The following CTPS2 variants were observed in gnomAD, a reference collection of about 807,000 sequenced individuals.
CTPS2 encodes CTP synthase II.
A neutral mutation model predicts 46.8 loss-of-function variants in CTPS2; 19 were observed. The ratio of observed to expected loss-of-function variants is 0.41; its 90% CI spans 0.28 to 0.60. The LOEUF (loss-of-function observed/expected upper bound fraction) is 0.60. Ranked by LOEUF, CTPS2 falls within the 20% of genes least tolerant of loss-of-function variation. The pLI is 0.35. For missense variants in CTPS2, 286 were observed against 447.6 expected, an observed-to-expected ratio of 0.64 and a Z score of 3.26; for synonymous variants, 151 against 165.2, an observed-to-expected ratio of 0.91 and a Z score of 0.66.
At chrX:16,691,127 G>T (rs983064647) in intron 7 of CTPS2, among the ~76,000 whole-genome samples, 3 of 112,152 alleles carry the variant, frequency 2.7e-5, no homozygotes, top group African/African-American at 9.7e-5. Flanking sequence ...GACCAGCCTG[G>T]CCAACATGGC....
intron 15 of CTPS2, among the ~76,000 whole-genome samples, chrX:16,619,052 C>T (rs941777413): frequency 1.8e-5 from 2 of 112,213 alleles, no homozygotes; most frequent in Admixed American, 1.9e-4. Context: ...GCCAAAGCAG[C>T]TCAATAATTT....
chrX:16,685,576 G>A (rs191711235), intron 8 of CTPS2, among the ~76,000 whole-genome samples: 346 of 110,015 alleles, frequency 3.1e-3, no homozygotes, highest in Non-Finnish European at 5.0e-3. Context: ...GAGATGAAGA[G>A]GGCTGGGTGT....
At chrX:16,674,154 T>A (rs1301474460) in intron 10 of CTPS2, among the ~76,000 whole-genome samples, 1 of 108,546 alleles carries the variant, frequency 9.2e-6, no homozygotes, top group Non-Finnish European at 1.9e-5. Context: ...GTTAAAGGAT[T>A]GTTTTTTGCT....
At chrX:16,644,266 C>T (rs1932207722) in intron 13 of CTPS2, among the ~76,000 whole-genome samples, 1 of 110,859 alleles carries the variant, frequency 9.0e-6, no homozygotes, top group African/African-American at 3.3e-5. Context: ...TTCCAAGTAG[C>T]TGGGGCCACA....
At chrX:16,674,457 C>T (rs1030285188) in intron 10 of CTPS2, among the ~76,000 whole-genome samples, 1 of 111,419 alleles carries the variant, frequency 9.0e-6, no homozygotes, top group Non-Finnish European at 1.9e-5. Flanking sequence ...GCCACCGCAT[C>T]CAGCTAACGG....
At chrX:16,660,300 C>T (rs752713973) in intron 13 of CTPS2, among the ~76,000 whole-genome samples, 4 of 110,847 alleles carry the variant, frequency 3.6e-5, no homozygotes, top group African/African-American at 1.3e-4. Context: ...ACTGTAGCCT[C>T]GACCTCCTCA....
chrX:16,705,392 G>T (rs1924915700), intron 1 of CTPS2, among the ~76,000 whole-genome samples: 1 of 111,811 alleles, frequency 8.9e-6, no homozygotes, highest in South Asian at 3.7e-4. Flanking sequence ...ACCATGGACT[G>T]GCTCTGGCCA....
chrX:16,609,554 T>G lies in CTPS2; in HGVS notation c.1678A>C (p.Lys560Gln). 8.3e-7 allele frequency: 1 copy of G among 1,211,759 alleles called. No individual in the cohort carries two copies. The highest frequency in any genetic ancestry group is 1.1e-6 in the Non-Finnish European group (1 of 895,395). Residue 560 changes from lysine to glutamine, a missense_variant, in exon 17 of 19, where the codon AAA becomes CAA. Coordinates refer to ENST00000359276, the MANE Select transcript of CTPS2 (RefSeq NM_175859.3). Reference protein sequence around the residue: ...NLNAYLQQGCKLSSSDRYSDA... With the variant: ...NLNAYLQQGCQLSSSDRYSDA... ...TAAGCTGGTTACCTGGAAGACAGTT[T>G]GCAACCCTGTTGCAAGTAGGCATTC...
chrX:16,615,574 T>C (rs1366572917), intron 16 of CTPS2, among the ~76,000 whole-genome samples: 1 of 111,328 alleles, frequency 9.0e-6, no homozygotes, highest in Non-Finnish European at 1.9e-5. Context: ...TCATTCCAGA[T>C]GAGTCCTGCT....
At chrX:16,694,767 G>A (rs913537931) in intron 4 of CTPS2, among the ~76,000 whole-genome samples, 1 of 112,576 alleles carries the variant, frequency 8.9e-6, no homozygotes, top group Non-Finnish European at 1.9e-5. Context: ...TGGGAGGCAG[G>A]TGTATCACTT....
chrX:16,605,580 G>A (rs1929929886), intron 17 of CTPS2, among the ~76,000 whole-genome samples: 1 of 111,386 alleles, frequency 9.0e-6, no homozygotes, highest in Admixed American at 9.6e-5. Flanking sequence ...AAATTAGCTG[G>A]GCATGGTGGC....
chrX:16,603,187 C>T (rs753899633), intron 17 of CTPS2, among the ~76,000 whole-genome samples: 6 of 110,950 alleles, frequency 5.4e-5, no homozygotes, highest in South Asian at 7.6e-4. Context: ...GAGGCCGAGG[C>T]GGGTGGATCA....
At chrX:16,622,097 G>A (rs1321888820) in intron 14 of CTPS2, among the ~76,000 whole-genome samples, 1 of 110,882 alleles carries the variant, frequency 9.0e-6, no homozygotes, top group African/African-American at 3.3e-5. Flanking sequence ...ATAACATACA[G>A]TTAGAAAACA....
chrX:16,600,022 G>A (rs1420587587), intron 17 of CTPS2, among the ~76,000 whole-genome samples: 3 of 111,903 alleles, frequency 2.7e-5, no homozygotes, highest in South Asian at 3.7e-4. Context: ...CAAGTGATCC[G>A]CCCGCCTCGG....
chrX:16,638,159 G>A (rs1931856923), intron 14 of CTPS2, among the ~76,000 whole-genome samples: 1 of 109,048 alleles, frequency 9.2e-6, no homozygotes, highest in Admixed American at 9.8e-5. Flanking sequence ...GGAGGCTGAG[G>A]CAGGAGAATG....
intron 14 of CTPS2, among the ~76,000 whole-genome samples, chrX:16,637,115 T>A (rs1024466952): frequency 8.9e-6 from 1 of 111,844 alleles, no homozygotes; most frequent in Non-Finnish European, 1.9e-5. Flanking sequence ...TTTTACTTTT[T>A]AAATTGAGAC....
chrX:16,660,269 G>A (rs1932914318), intron 13 of CTPS2, among the ~76,000 whole-genome samples: 1 of 110,047 alleles, frequency 9.1e-6, no homozygotes, highest in African/African-American at 3.3e-5. Context: ...AGGCTGGAGT[G>A]GAGTGGCATG....
At chrX:16,664,528 A>G (rs770463625) in intron 13 of CTPS2, among the ~76,000 whole-genome samples, 1 of 111,878 alleles carries the variant, frequency 8.9e-6, no homozygotes, top group South Asian at 3.8e-4. Flanking sequence ...GCAAGGCAGG[A>G]AAAAACTGTG....
rs1420972245 is a variant in CTPS2, at chrX:16,670,261, A to G, written c.1189+319T>C. 6.2e-5 allele frequency among the ~76,000 whole-genome samples: 7 copies of G among 112,005 alleles called. No homozygotes were observed. In the Admixed American group the frequency reaches 6.7e-4, roughly 11 times the overall value. On this transcript the variant is annotated intron_variant, in intron 11 of 18. Transcript: ENST00000359276. Reference sequence around the variant, plus strand: ...AGAAACGTTTTCTGTAAAGGGTCACATAGTAAAGATTCTAGCCTCTTTCAG... The same window carrying G: ...AGAAACGTTTTCTGTAAAGGGTCACGTAGTAAAGATTCTAGCCTCTTTCAG...
Sources: gnomAD v4.1 joint callset for allele counts (sites outside exome capture counted in the v4.1 genomes callset) on GRCh38, gnomAD v4.1.1 for gene constraint, MANE v1.5 for transcripts, NCBI Gene and HGNC (gene_info 2026-07-23, HGNC 2026-07-21) for gene names.